Variants in TXNL4A observed in about 807,000 individuals in gnomAD.
The protein encoded by TXNL4A is thioredoxin-like protein 4A.
Under a neutral mutation model 14.6 loss-of-function variants are expected in TXNL4A, and 17 were observed. The observed-to-expected ratio is 1.16, with a 90% CI of 0.80 to 1.74. The LOEUF (loss-of-function observed/expected upper bound fraction) is 1.74. TXNL4A is among the 40% of genes most tolerant of loss of function. The pLI, the probability that TXNL4A is intolerant of heterozygous loss-of-function variation, is 0.00. For synonymous variants in TXNL4A, 83 were observed against 70.6 expected (o/e 1.18, Z -0.88); for missense variants, 74 against 195.2 (o/e 0.38, Z 3.70).
chr18:80,023,478 T>C (rs1186448890), intron 1 of TXNL4A, among the ~76,000 whole-genome samples: 1 of 152,220 alleles, frequency 6.6e-6, no homozygotes, highest in Non-Finnish European at 1.5e-5. Flanking sequence ...TTAGAGAGGT[T>C]TGGGGTTTGA....
At position 79,973,890 on chromosome 18, in the gene TXNL4A, GAAGTCTCT is replaced by G. The variant is rs749041832; in HGVS notation, c.258-42_258-35del. 1.9e-6 allele frequency: 3 copies of G among 1,601,306 alleles called. No homozygotes were observed. In the African/African-American group the frequency reaches 4.0e-5, roughly 22 times the overall value. The stretch of plus-strand genomic sequence containing the variant: ...AGAAACAAGGGCATCCATTCTCATA[GAAGTCTCT>G]TTAAAAAAGAATTCCTTGAAAACAA... On this transcript the variant is annotated intron_variant, in intron 2 of 2. Coordinates refer to ENST00000269601, the MANE Select transcript of TXNL4A (RefSeq NM_006701.5).
intron 1 of TXNL4A, among the ~76,000 whole-genome samples, chr18:80,013,158 T>A: frequency 6.7e-6 from 1 of 149,308 alleles, no homozygotes. Flanking sequence ...TCTGGCTCTG[T>A]CCCCCAGGCT....
In TXNL4A at chr18:79,973,769, G is replaced by T; in HGVS notation, c.345C>A (p.Ile115=). ...AMEDKQEMVD[I]IETVYRGARK... is the part of the protein sequence containing the mutation. ...GGGCCCCGCGGTACACCGTCTCGATGATGTCCACCATCTCCTGCTTGTCCT... is the reference window on the plus strand; with the variant it reads ...GGGCCCCGCGGTACACCGTCTCGATTATGTCCACCATCTCCTGCTTGTCCT... The change falls in exon 3 of 3, where the codon ATC becomes ATA. Residue 115 remains isoleucine (I), a synonymous_variant. Transcript: ENST00000269601. 1 of 1,614,192 alleles carries T rather than the reference G, an allele frequency of 6.2e-7. No individual in the cohort carries two copies.
intron 1 of TXNL4A, among the ~76,000 whole-genome samples, chr18:80,029,657 A>G (rs2051908612): frequency 6.6e-6 from 1 of 152,248 alleles, no homozygotes; most frequent in African/African-American, 2.4e-5. Context: ...CCTAGTGGAG[A>G]GGCACAACTG....
At chr18:80,017,480 T>G (rs1436026833) in intron 1 of TXNL4A, among the ~76,000 whole-genome samples, 2 of 152,062 alleles carry the variant, frequency 1.3e-5, no homozygotes, top group African/African-American at 2.4e-5. Flanking sequence ...GCCCATTCAG[T>G]ATGATATTGG....
intron 1 of TXNL4A, among the ~76,000 whole-genome samples, chr18:80,022,865 T>C (rs1180085195): frequency 6.6e-6 from 1 of 151,880 alleles, no homozygotes; most frequent in Non-Finnish European, 1.5e-5. Flanking sequence ...CCAGAGGAGG[T>C]AGTATGCAGG....
upstream of TXNL4A, among the ~76,000 whole-genome samples, chr18:79,990,704 TTG>T (rs777204769): frequency 1.3e-5 from 2 of 152,260 alleles, no homozygotes; most frequent in Non-Finnish European, 2.9e-5. Context: ...TCATTTTTTA[TTG>T]TGTTACTTAT....
chr18:80,029,884 G>A (rs149512982), intron 1 of TXNL4A, among the ~76,000 whole-genome samples: 63 of 152,242 alleles, frequency 4.1e-4, no homozygotes, highest in Middle Eastern at 3.4e-3. Context: ...AAAAAGCCAA[G>A]ATTTGATAAA....
intron 1 of TXNL4A, among the ~76,000 whole-genome samples, chr18:80,005,838 GC>G (rs1274882568): frequency 6.6e-6 from 1 of 151,674 alleles, no homozygotes; most frequent in Non-Finnish European, 1.5e-5. Context: ...TGCTTGAACC[GC>G]GAGGCAGAGG....
At chr18:80,033,289 G>A (rs944033907) in intron 1 of TXNL4A, among the ~76,000 whole-genome samples, 12 of 75,458 alleles carry the variant, frequency 1.6e-4, no homozygotes, top group African/African-American at 3.4e-4. Context: ...ACATCCACAC[G>A]CGCCCACACA....
At chr18:80,029,011 C>T (rs992696155) in intron 1 of TXNL4A, among the ~76,000 whole-genome samples, 4 of 152,188 alleles carry the variant, frequency 2.6e-5, no homozygotes, top group South Asian at 2.1e-4. Context: ...CAGGACCAAA[C>T]GGCCATAAAA....
Position 80,011,889 on chromosome 18 carries a change from G to A in TXNL4A, c.-61+21962C>T, listed in dbSNP as rs988946506. 6.6e-6 allele frequency among the ~76,000 whole-genome samples: 1 copy of A among 152,016 alleles called. No individual in the cohort carries two copies. Among genetic ancestry groups the A allele is most frequent in the Non-Finnish European group, 1.5e-5 (1 of 68,014 alleles). On this transcript the variant is annotated intron_variant, in intron 1 of 2. Transcript: ENST00000585474. The surrounding 1 kb of genome is among the most constrained non-coding windows in gnomAD (Gnocchi z 4.1). ...AGTTTAGACACACGCCTTTGCTCGA[G>A]GAAATTCACAGAAACCGAGACTGCT...
At position 79,986,971 on chromosome 18, in the gene TXNL4A, C is replaced by T. The variant is rs759446914; in HGVS notation, c.153+1269G>A. 6.6e-4 allele frequency among the ~76,000 whole-genome samples: 101 copies of T among 152,344 alleles called. 1 individual carries two copies. In the Middle Eastern group the frequency reaches 0.024, roughly 36 times the overall value. ...GAACCCCCAGCGTGTGAGAGAACTG[C>T]TGCTCTCCCGAATTCCCTAGGTCCC... On this transcript the variant is annotated intron_variant, in intron 1 of 2. Coordinates refer to ENST00000269601, the MANE Select transcript of TXNL4A (RefSeq NM_006701.5).
intron 1 of TXNL4A, chr18:79,979,553 T>TC (rs1481311735): frequency 6.5e-6 from 1 of 152,918 alleles, no homozygotes; most frequent in African/African-American, 2.4e-5. Context: ...ACGTGCCTGT[T>TC]CCCCTTTGCC....
rs922425439 is a variant in TXNL4A, at chr18:80,011,923, T to C, written c.-61+21928A>G. ...CAGAAACCGAGACTGCTAAACATCTTATTGAGTGACTAACGAGTTCTCCTT... is the reference window on the plus strand; with the variant it reads ...CAGAAACCGAGACTGCTAAACATCTCATTGAGTGACTAACGAGTTCTCCTT... On this transcript the variant is annotated intron_variant, in intron 1 of 2. Transcript: ENST00000585474. The surrounding 1 kb of genome is among the most constrained non-coding windows in gnomAD (Gnocchi z 4.1). Among the ~76,000 whole-genome samples the C allele has an allele frequency of 6.6e-6, 1 of 152,194 alleles. No homozygotes were observed. The highest frequency in any genetic ancestry group is 1.5e-5 in the Non-Finnish European group (1 of 68,036).
At chr18:79,990,763 A>G (rs1310792755), upstream of TXNL4A, among the ~76,000 whole-genome samples, 1 of 152,216 alleles carries the variant, frequency 6.6e-6, no homozygotes, top group Non-Finnish European at 1.5e-5. Flanking sequence ...GTACATTCAT[A>G]TTATGCAACC....
chr18:79,977,615 A>T lies in TXNL4A; in HGVS notation c.240T>A (p.Thr80=). 8.1e-6 allele frequency: 13 copies of T among 1,608,658 alleles called. No individual in the cohort carries two copies. Among genetic ancestry groups the T allele is most frequent in the Non-Finnish European group, 1.1e-5 (13 of 1,178,182 alleles). Residue 80 remains threonine (T), a synonymous_variant, in exon 2 of 3, where the codon ACT becomes ACA. Transcript: ENST00000269601. ...NKMYELYDPC[T]VMFFFRNKHI... is the part of the protein sequence containing the mutation. ...TAACGTACCTGAAGAAAAACATGAC[A>T]GTACATGGATCGTATAACTCATACA... is the stretch of plus-strand genomic sequence containing the variant.
At position 79,982,602 on chromosome 18, in the gene TXNL4A, C is replaced by T. The variant is rs759537660; in HGVS notation, c.154-4901G>A. On this transcript the variant is annotated intron_variant, in intron 1 of 2. Transcript: ENST00000269601. The surrounding 1 kb of genome is among the most constrained non-coding windows in gnomAD (Gnocchi z 4.0). ...GGCAGGAGACTCCGGGGAGCTGTGCCGAGTGCCCCAGAGAGGTTACCAGAA... is the reference window on the plus strand; with the variant it reads ...GGCAGGAGACTCCGGGGAGCTGTGCTGAGTGCCCCAGAGAGGTTACCAGAA... 5.3e-5 allele frequency among the ~76,000 whole-genome samples: 8 copies of T among 152,078 alleles called. No individual in the cohort carries two copies. The highest frequency in any genetic ancestry group is 1.2e-4 in the Non-Finnish European group (8 of 68,032).
chr18:79,999,579 T>C (rs1489517590), intron 1 of TXNL4A, among the ~76,000 whole-genome samples: 1 of 148,900 alleles, frequency 6.7e-6, no homozygotes, highest in Non-Finnish European at 1.5e-5. Context: ...ACCAAAATAG[T>C]TCACAACCAT....
Sources: gnomAD v4.1 joint callset for allele counts (sites outside exome capture counted in the v4.1 genomes callset) on GRCh38, gnomAD v4.1.1 for gene constraint, Gnocchi (gnomAD v3.1) non-coding constraint, MANE v1.5 for transcripts, NCBI Gene and HGNC (gene_info 2026-07-23, HGNC 2026-07-21) for gene names.